ANKRD36B: variants seen among roughly 807,000 people sequenced by gnomAD.
ANKRD36B encodes ankyrin repeat domain-containing protein 36B.
A neutral mutation model predicts 135.7 loss-of-function variants in ANKRD36B; 37 were observed. That is an observed-to-expected ratio of 0.27 (90% CI 0.21 to 0.36). The LOEUF (loss-of-function observed/expected upper bound fraction) is 0.36, where lower values mean the gene tolerates loss of function less well. Ranked by LOEUF, ANKRD36B falls within the 10% of genes least tolerant of loss-of-function variation. ANKRD36B has a pLI of 1.00. For synonymous variants in ANKRD36B, 179 were observed against 348.1 expected, an observed-to-expected ratio of 0.51 and a Z score of 5.41; for missense variants, 549 against 1,037.1, an observed-to-expected ratio of 0.53 and a Z score of 6.46.
At chr2:97,588,566 T>G (rs1003259042) in intron 1 of ANKRD36B, among the ~76,000 whole-genome samples, 39 of 152,198 alleles carry the variant, frequency 2.6e-4, no homozygotes, top group African/African-American at 9.4e-4. Flanking sequence ...GTCGTCACAA[T>G]AGTAAAAGAC....
At chr2:97,563,306 C>T (rs918729735) in intron 6 of ANKRD36B, among the ~76,000 whole-genome samples, 22 of 151,514 alleles carry the variant, frequency 1.5e-4, no homozygotes, top group Non-Finnish European at 2.7e-4. Context: ...ATAAAAAAGA[C>T]AAGCTGAGAT....
In ANKRD36B at chr2:97,524,659, G is replaced by A. The variant is rs1434203077; in HGVS notation, c.2266-1192C>T. On this transcript the variant is annotated intron_variant, in intron 35 of 43. Coordinates refer to ENST00000359901, the MANE Select transcript of ANKRD36B (RefSeq NM_001393939.1). The stretch of plus-strand genomic sequence containing the variant: ...CAGGTGAATCATTTGTCAAATTAGA[G>A]GGTATTTACTTAAGTTTGTTCTTCC... The A allele has an allele frequency of 2.1e-5, 2 of 96,458 alleles. 1 individual carries two copies. The highest frequency in any genetic ancestry group is 5.5e-5 in the Non-Finnish European group (2 of 36,280). 6.0% of individuals were successfully genotyped at this position (96,458 alleles called of 1,614,324 possible).
chr2:97,535,968 G>A (rs1435588024), intron 34 of ANKRD36B, among the ~76,000 whole-genome samples: 2 of 94,062 alleles, frequency 2.1e-5, no homozygotes, highest in Non-Finnish European at 5.6e-5. Context: ...GGGAGGCTGA[G>A]GCAGGAGAAT....
rs1489674744 is a variant in ANKRD36B at position 97,532,782 on chromosome 2, C to G, written c.2192-398G>C. 1.6e-4 allele frequency among the ~76,000 whole-genome samples: 15 copies of G among 91,932 alleles called. 6 individuals carry two copies. Among genetic ancestry groups the G allele is most frequent in the Non-Finnish European group, 4.3e-4 (15 of 34,944 alleles). 60.3% of individuals were successfully genotyped at this position (91,932 alleles called of 152,430 possible). ...AAACCAGAAAATAAAAGTGTTTCAA[C>G]GAAGCTTAATCTTTAGTATAATATG... On this transcript the variant is annotated intron_variant, in intron 34 of 43. Transcript: ENST00000359901.
intron 5 of ANKRD36B, among the ~76,000 whole-genome samples, chr2:97,577,281 A>G (rs1165719666): frequency 7.3e-6 from 1 of 136,692 alleles, no homozygotes; most frequent in Admixed American, 7.7e-5. Flanking sequence ...CTGACATGGA[A>G]GACAAAACCC....
In ANKRD36B at chr2:97,533,886, T is replaced by C. The variant is rs190390949; in HGVS notation, c.2192-1502A>G. Among the ~76,000 whole-genome samples, 18 of 94,594 alleles carry C rather than the reference T, an allele frequency of 1.9e-4. 3 individuals carry two copies. The highest frequency in any genetic ancestry group is 5.4e-4 in the African/African-American group (17 of 31,510). 62.1% of individuals were successfully genotyped at this position (94,594 alleles called of 152,430 possible). On this transcript the variant is annotated intron_variant, in intron 34 of 43. Coordinates refer to ENST00000359901, the MANE Select transcript of ANKRD36B (RefSeq NM_001393939.1). ...GCCTGACTAACATGGTGAAACCCCA[T>C]CTCTACTCAAAATACAAAAATTAGC...
rs1392602657 is a variant in ANKRD36B, at chr2:97,536,017, A to G, written c.2191+283T>C. ...AAGGTGGAGGTTGTGGTGAGCTACAATTGAGCCATTGCACTCCAGCCTGGG... is the reference window on the plus strand; with the variant it reads ...AAGGTGGAGGTTGTGGTGAGCTACAGTTGAGCCATTGCACTCCAGCCTGGG... On this transcript the variant is annotated intron_variant, in intron 34 of 43. Transcript: ENST00000359901. Among the ~76,000 whole-genome samples, 2 of 94,728 alleles carry G rather than the reference A, an allele frequency of 2.1e-5. 1 individual carries two copies. 62.1% of individuals were successfully genotyped at this position (94,728 alleles called of 152,430 possible).
chr2:97,585,508 A>G lies in ANKRD36B; in HGVS notation c.162-110T>C. The G allele has an allele frequency of 3.5e-6, 5 of 1,420,770 alleles. No homozygotes were observed. In the South Asian group the frequency reaches 7.3e-5, roughly 21 times the overall value. The allele number at this position is 1,420,770 out of a possible 1,614,324, so 88.0% of individuals were successfully genotyped here. ...AATTTTCTTGTGAAGAAAGTACAAC[A>G]TTTGTTAGCGCTTATTACTCACCAC... On this transcript the variant is annotated intron_variant, in intron 1 of 43. Transcript: ENST00000359901.
chr2:97,575,520 A>G (rs556030981), intron 6 of ANKRD36B, among the ~76,000 whole-genome samples: 1 of 150,956 alleles, frequency 6.6e-6, no homozygotes, highest in African/African-American at 2.4e-5. Flanking sequence ...TTTACATTCA[A>G]TGTTCACTAA....
At chr2:97,568,413 A>G (rs1437305365) in intron 6 of ANKRD36B, among the ~76,000 whole-genome samples, 1 of 152,142 alleles carries the variant, frequency 6.6e-6, no homozygotes, top group African/African-American at 2.4e-5. Flanking sequence ...CCCTGCAAAG[A>G]CTTTTCAGCT....
rs572717247 is a variant in ANKRD36B, at chr2:97,535,013, G to A, written c.2191+1287C>T. Among the ~76,000 whole-genome samples the A allele has an allele frequency of 2.8e-4, 27 of 96,108 alleles. 2 individuals carry two copies. Among genetic ancestry groups the A allele is most frequent in the East Asian group, 9.3e-4 (4 of 4,316 alleles). 63.1% of individuals were successfully genotyped at this position (96,108 alleles called of 152,430 possible). ...GTGAAAGAATAAGATCCTCTCATTCGCAATGACATGGATGGAACAGGAGGA... is the reference window on the plus strand; with the variant it reads ...GTGAAAGAATAAGATCCTCTCATTCACAATGACATGGATGGAACAGGAGGA... On this transcript the variant is annotated intron_variant, in intron 34 of 43. Transcript: ENST00000359901.
intron 8 of ANKRD36B, among the ~76,000 whole-genome samples, chr2:97,559,196 TTACAATTTCAAACATGGTATGATTCGTGA>T (rs1435057307): frequency 6.6e-6 from 1 of 151,754 alleles, no homozygotes; most frequent in Non-Finnish European, 1.5e-5. Flanking sequence ...AAATATACCC[TTACAATTTCAAACATGGTATGATTCGTGA>T]TACATCTAAA....
At chr2:97,565,999 T>C (rs562405701) in intron 6 of ANKRD36B, among the ~76,000 whole-genome samples, 95 of 151,452 alleles carry the variant, frequency 6.3e-4, no homozygotes, top group African/African-American at 2.3e-3. Context: ...CTGGGCAACA[T>C]AGCAAGACTC....
chr2:97,569,868 C>A (rs1296145692), intron 6 of ANKRD36B, among the ~76,000 whole-genome samples: 1 of 151,794 alleles, frequency 6.6e-6, no homozygotes, highest in Non-Finnish European at 1.5e-5. Context: ...TATATAAAAG[C>A]ACATAAAGCA....
intron 4 of ANKRD36B, among the ~76,000 whole-genome samples, chr2:97,579,493 T>C (rs2082442304): frequency 7.1e-6 from 1 of 141,208 alleles, no homozygotes; most frequent in African/African-American, 2.6e-5. Flanking sequence ...ATGATGCTCA[T>C]AAGCATGTGC....
chr2:97,577,575 T>C (rs2104203157), intron 5 of ANKRD36B, among the ~76,000 whole-genome samples: 1 of 145,578 alleles, frequency 6.9e-6, no homozygotes, highest in South Asian at 2.2e-4. Flanking sequence ...ATGCTAATTT[T>C]CTCCGTATTG....
intron 6 of ANKRD36B, among the ~76,000 whole-genome samples, chr2:97,572,281 CAAA>C (rs34027238): frequency 1.6e-5 from 2 of 127,626 alleles, no homozygotes; most frequent in Non-Finnish European, 3.3e-5. Flanking sequence ...GACTCAATCT[CAAA>C]AAAAAAAAAA....
Position 97,553,223 on chromosome 2 carries a change from T to C in ANKRD36B, c.1218A>G (p.Glu406=). 2 of 1,610,976 alleles carry C rather than the reference T, an allele frequency of 1.2e-6. No individual in the cohort carries two copies. Among genetic ancestry groups the C allele is most frequent in the South Asian group, 2.2e-5 (2 of 90,698 alleles). The change falls in exon 16 of 44, where the codon GAA becomes GAG. Residue 406 remains glutamate, a synonymous_variant. Coordinates refer to ENST00000359901, the MANE Select transcript of ANKRD36B (RefSeq NM_001393939.1). ...CTGTGGCTATATTAGAAACAGAACC[T>C]TCCTCGTCAGTTGTAGCCTGAATGG... ...QQALKATTDE[E]GSVSNIATEI...
At chr2:97,567,183 C>T (rs2104841533) in intron 6 of ANKRD36B, among the ~76,000 whole-genome samples, 1 of 151,334 alleles carries the variant, frequency 6.6e-6, no homozygotes, top group South Asian at 2.1e-4. Context: ...AAGTAACATG[C>T]TTCCATGTCC....
Sources: gnomAD v4.1 joint callset for allele counts (sites outside exome capture counted in the v4.1 genomes callset) on GRCh38, gnomAD v4.1.1 for gene constraint, MANE v1.5 for transcripts, NCBI Gene and HGNC (gene_info 2026-07-23, HGNC 2026-07-21) for gene names.